TPM4: variants seen among roughly 807,000 people sequenced by gnomAD.
TPM4 encodes tropomyosin 4, also known as tropomyosin alpha-4 chain.
TPM4 carries 17 observed loss-of-function variants against 35.8 expected under a neutral mutation model. The observed-to-expected ratio is 0.47, with a 90% CI of 0.32 to 0.71. The LOEUF (loss-of-function observed/expected upper bound fraction) is 0.71. TPM4 is among the 30% of genes least tolerant of loss of function. TPM4 has a pLI of 0.03. For synonymous variants in TPM4, 120 were observed against 122.9 expected, an observed-to-expected ratio of 0.98 and a Z score of 0.15; for missense variants, 240 against 320.9, an observed-to-expected ratio of 0.75 and a Z score of 1.93.
chr19:16,095,973 T>C lies in TPM4; in HGVS notation c.664+2220T>C, dbSNP rs1324441637. The C allele has an allele frequency of 4.6e-5, 7 of 151,448 alleles. No homozygotes were observed. In the East Asian group the frequency reaches 1.4e-3, roughly 29 times the overall value. 9.4% of individuals were successfully genotyped at this position (151,448 alleles called of 1,614,324 possible). A position where few individuals can be genotyped will look rare whatever the true frequency, so the allele number is the denominator to read the frequency against. ...CGGAGTCTCACTATGTCGCCCAGGC[T>C]GGAGTGCAGTGGTGCAATCTCGGCT... On this transcript the variant is annotated intron_variant, in intron 7 of 7. Coordinates refer to ENST00000643579, the MANE Select transcript of TPM4 (RefSeq NM_003290.3).
chr19:16,075,829 C>T (rs769970454), upstream of TPM4: 38 of 665,108 alleles, frequency 5.7e-5, no homozygotes, highest in Non-Finnish European at 7.4e-5. Flanking sequence ...AAGCCCAAAA[C>T]AGCTGGTCCT....
intron 1 of TPM4, 27 bp downstream of exon 1, chr19:16,076,724 ACCCGCAGCCTCCTCC>A: frequency 7.7e-7 from 1 of 1,301,782 alleles, no homozygotes; most frequent in South Asian, 2.1e-5. Flanking sequence ...CGGGCCCCGC[ACCCGCAGCCTCCTCC>A]CCCGCGCGCC....
intron 5 of TPM4, among the ~76,000 whole-genome samples, chr19:16,093,288 C>G (rs533063557): frequency 1.1e-3 from 161 of 151,998 alleles, no homozygotes; most frequent in African/African-American, 3.8e-3. Context: ...CTCCACCTCC[C>G]AGGTTCGAGT....
Position 16,081,964 on chromosome 19 carries a change from G to T in TPM4, c.184G>T (p.Glu62Ter). The T allele has an allele frequency of 6.2e-7, 1 of 1,611,006 alleles. No homozygotes were observed. Among genetic ancestry groups the T allele is most frequent in the South Asian group, 1.1e-5 (1 of 90,986 alleles). Residue 62 changes from glutamate (E) to a stop codon, truncating the protein, a stop_gained, in exon 2 of 8, where the codon GAG becomes TAG. Transcript: ENST00000643579. LOFTEE classifies it high-confidence loss of function. ...CCGACGCATCCAGCTCGTTGAGGAG[G>T]AGTTGGACAGGGCTCAGGAACGACT... ...LNRRIQLVEE[E>*]LDRAQERLAT...
rs2090344878 is a variant in TPM4 at position 16,070,360 on chromosome 19, C to T, written c.114+2622C>T. Among the ~76,000 whole-genome samples, 1 of 152,116 alleles carries T rather than the reference C, an allele frequency of 6.6e-6. No homozygotes were observed. Among genetic ancestry groups the T allele is most frequent in the Admixed American group, 6.5e-5 (1 of 15,282 alleles). ...GGAAGGGAGTCCCCTCCCACAGAGC[C>T]ATGTTCCCCACAATGTTTATCCACA... is the stretch of plus-strand genomic sequence containing the variant. On this transcript the variant is annotated intron_variant, in intron 2 of 2. Transcript: ENST00000589897. This position sits in a 1 kb window ranked among gnomAD's most constrained non-coding sequence, Gnocchi z 7.4.
At position 16,101,974 on chromosome 19, in the gene TPM4, A is replaced by G. The variant is rs1180043290; in HGVS notation, c.*628A>G. 4.5e-6 allele frequency: 1 copy of G among 220,160 alleles called. No individual in the cohort carries two copies. Among genetic ancestry groups the G allele is most frequent in the East Asian group, 6.7e-5 (1 of 14,942 alleles). 13.6% of individuals were successfully genotyped at this position (220,160 alleles called of 1,614,324 possible). On this transcript the variant is annotated 3_prime_UTR_variant, in exon 8 of 8. Coordinates refer to ENST00000643579, the MANE Select transcript of TPM4 (RefSeq NM_003290.3). Reference sequence around the variant, plus strand: ...AACGTAGAATGCTTGGGAAATAGTCATAATTACCCACATATAGTAATTAAT... The same window carrying G: ...AACGTAGAATGCTTGGGAAATAGTCGTAATTACCCACATATAGTAATTAAT...
At chr19:16,076,755 T>C (rs2090412342) in intron 1 of TPM4, 58 bp downstream of exon 1, 1 of 1,281,396 alleles carries the variant, frequency 7.8e-7, no homozygotes, top group African/African-American at 1.6e-5. Flanking sequence ...GCGCCCTCCT[T>C]TCTTCCCGGC....
chr19:16,082,852 T>C (rs1284661364), intron 2 of TPM4, among the ~76,000 whole-genome samples: 1 of 151,312 alleles, frequency 6.6e-6, no homozygotes, highest in Non-Finnish European at 1.5e-5. Context: ...ATTAGCCGGG[T>C]GTGGTGGTGC....
chr19:16,074,084 CA>C (rs2090382103), upstream of TPM4, among the ~76,000 whole-genome samples: 1 of 150,478 alleles, frequency 6.6e-6, no homozygotes, highest in Non-Finnish European at 1.5e-5. Context: ...CACATCCACT[CA>C]GGGGTGAGCA....
Position 16,067,884 on chromosome 19 carries a change from T to C in TPM4, c.114+146T>C, listed in dbSNP as rs1030025496. On this transcript the variant is annotated intron_variant, in intron 2 of 2. Coordinates refer to the TPM4 transcript ENST00000589897. The surrounding 1 kb of genome is among the most constrained non-coding windows in gnomAD (Gnocchi z 4.1). ...TGGCGGAGGAAGAGCGAGGGGACCA[T>C]TGCCTTCCTTGGATGGGGTCCTGGG... 1.4e-6 allele frequency: 1 copy of C among 693,540 alleles called. No homozygotes were observed. The highest frequency in any genetic ancestry group is 2.3e-6 in the Non-Finnish European group (1 of 437,546). 43.0% of individuals were successfully genotyped at this position (693,540 alleles called of 1,614,324 possible). A position where few individuals can be genotyped will look rare whatever the true frequency, so the allele number is the denominator to read the frequency against.
chr19:16,093,668 C>T lies in TPM4; in HGVS notation c.595-16C>T, dbSNP rs753419582. 7.9e-5 allele frequency: 127 copies of T among 1,614,094 alleles called. No homozygotes were observed. The highest frequency in any genetic ancestry group is 1.0e-4 in the Non-Finnish European group (120 of 1,180,054). On this transcript the variant is annotated splice_polypyrimidine_tract_variant and intron_variant, in intron 6 of 7. Coordinates refer to ENST00000643579, the MANE Select transcript of TPM4 (RefSeq NM_003290.3). ...GGTCTTGAAGCCATGATAGTAACTC[C>T]TTTCTTCTTATCTAGGCTGAGACCC...
At chr19:16,088,665 G>A (rs968803895) in intron 4 of TPM4, 1 of 1,044,928 alleles carries the variant, frequency 9.6e-7, no homozygotes, top group Non-Finnish European at 1.2e-6. Context: ...CCTTCCCGGA[G>A]TGTCCCCTGC....
rs144078371 is a variant in TPM4, at chr19:16,089,222, A to C, written c.531+102A>C. On this transcript the variant is annotated intron_variant, in intron 5 of 7. Coordinates refer to ENST00000643579, the MANE Select transcript of TPM4 (RefSeq NM_003290.3). ...TCAGGTTATGGGGAATCTGCCCTTT[A>C]TTTAACAGTAGCGTTGGTGCCTGGC... The C allele has an allele frequency of 4.7e-6, 7 of 1,480,918 alleles. No homozygotes were observed. The African/African-American group carries it at 9.9e-5, about 21-fold the overall frequency. 91.7% of individuals were successfully genotyped at this position (1,480,918 alleles called of 1,614,324 possible). A position where few individuals can be genotyped will look rare whatever the true frequency, so the allele number is the denominator to read the frequency against.
chr19:16,093,976 T>G (rs2090662822), intron 7 of TPM4, among the ~76,000 whole-genome samples: 2 of 131,036 alleles, frequency 1.5e-5, no homozygotes, highest in African/African-American at 2.8e-5. Flanking sequence ...TTTTTTTTTC[T>G]ATGAGACGGA....
At chr19:16,081,773 G>A in intron 1 of TPM4, 140 bp from the exon 2 acceptor site, 1 of 1,161,790 alleles carries the variant, frequency 8.6e-7, no homozygotes, top group African/African-American at 1.5e-5. Context: ...TTTGGTATGA[G>A]TGTAAATTCC....
intron 2 of TPM4, among the ~76,000 whole-genome samples, chr19:16,085,628 T>TCAGCTCTACCACTTAC (rs2090541457): frequency 6.6e-6 from 1 of 152,196 alleles, no homozygotes. Flanking sequence ...GGGCTGAGCC[T>TCAGCTCTACCACTTAC]CAGCTCTACC....
chr19:16,080,438 G>A lies in TPM4; in HGVS notation c.133-1475G>A, dbSNP rs147410203. ...CCTCTGGAGTTACAGCCTCAAGGCAGTCCGGTAACTAATCAGGCTTTGGGA... is the reference window on the plus strand; with the variant it reads ...CCTCTGGAGTTACAGCCTCAAGGCAATCCGGTAACTAATCAGGCTTTGGGA... On this transcript the variant is annotated intron_variant, in intron 1 of 7. Transcript: ENST00000643579. The A allele has an allele frequency of 5.0e-3, 985 of 197,730 alleles. 6 individuals carry two copies. Among genetic ancestry groups the A allele is most frequent in the Non-Finnish European group, 7.9e-3 (752 of 95,326 alleles). The allele number at this position is 197,730 out of a possible 1,614,324, so 12.2% of individuals were successfully genotyped here. A position where few individuals can be genotyped will look rare whatever the true frequency, so the allele number is the denominator to read the frequency against.
chr19:16,069,193 TG>T (rs1276633623), intron 2 of TPM4, among the ~76,000 whole-genome samples: 2 of 152,142 alleles, frequency 1.3e-5, no homozygotes, highest in East Asian at 1.9e-4. Context: ...TTGTGTGTAT[TG>T]GTGACTGTGC....
In TPM4 at chr19:16,076,715, G is replaced by A. The variant is rs990658517; in HGVS notation, c.132+18G>A. The A allele has an allele frequency of 8.9e-5, 117 of 1,321,926 alleles. 1 individual carries two copies. In the African/African-American group the frequency reaches 1.4e-3, roughly 16 times the overall value. The allele number at this position is 1,321,926 out of a possible 1,614,324, so 81.9% of individuals were successfully genotyped here. ...GCGAGAAAGTGAGCGCCCCGGCCTC[G>A]GGCCCCGCACCCGCAGCCTCCTCCC... is the stretch of plus-strand genomic sequence containing the variant. On this transcript the variant is annotated intron_variant, in intron 1 of 7. Coordinates refer to ENST00000643579, the MANE Select transcript of TPM4 (RefSeq NM_003290.3).
Sources: allele counts gnomAD v4.1 joint callset (sites outside exome capture counted in the v4.1 genomes callset), GRCh38; gene constraint gnomAD v4.1.1; non-coding constraint Gnocchi (gnomAD v3.1); transcripts MANE v1.5; gene names NCBI Gene and HGNC (gene_info 2026-07-23, HGNC 2026-07-21).